LINC00632: variants seen among roughly 807,000 people sequenced by gnomAD.
LINC00632 encodes ALDOA related specific transcript.
At chrX:140,757,771 G>A (rs192203219) in intron 3 of LINC00632, among the ~76,000 whole-genome samples, 23 of 110,859 alleles carry the variant, frequency 2.1e-4, no homozygotes, top group Admixed American at 9.6e-5. Flanking sequence ...TTCACCATAT[G>A]GGCCAGGCTA....
intron 2 of LINC00632, among the ~76,000 whole-genome samples, chrX:140,723,827 G>GCA (rs1329087464): frequency 5.2e-4 from 1 of 1,910 alleles, no homozygotes; most frequent in Non-Finnish European, 9.6e-4. Context: ...CACATTCCAT[G>GCA]CACACACACA....
chrX:140,763,483 A>G (rs994245464), intron 3 of LINC00632, among the ~76,000 whole-genome samples: 8 of 110,991 alleles, frequency 7.2e-5, no homozygotes, highest in Non-Finnish European at 1.5e-4. Flanking sequence ...GTTAAATGTG[A>G]ATTTCAGTTA....
At chrX:140,718,263 T>C (rs1424600718) in intron 2 of LINC00632, among the ~76,000 whole-genome samples, 1 of 111,210 alleles carries the variant, frequency 9.0e-6, no homozygotes, top group Non-Finnish European at 1.9e-5. Flanking sequence ...CCACACGAAA[T>C]TGGACCATAA....
exon 5 of LINC00632, chrX:140,784,835 C>T: frequency 6.8e-6 from 1 of 146,971 alleles, no homozygotes; most frequent in South Asian, 2.2e-4. Flanking sequence ...TTTAATGGGA[C>T]ATTCCTCCTT....
intron 3 of LINC00632, among the ~76,000 whole-genome samples, chrX:140,765,613 G>A (rs2148398472): frequency 9.0e-6 from 1 of 111,664 alleles, no homozygotes; most frequent in South Asian, 3.8e-4. Flanking sequence ...TGGCAGTTCA[G>A]TCTGAAGTTG....
chrX:140,770,507 A>G, intron 3 of LINC00632, among the ~76,000 whole-genome samples: 1 of 112,257 alleles, frequency 8.9e-6, no homozygotes. Flanking sequence ...ACTGCACTCC[A>G]GCCTGGGCGA....
chrX:140,726,485 A>T (rs185455778), intron 2 of LINC00632, among the ~76,000 whole-genome samples: 1 of 111,920 alleles, frequency 8.9e-6, no homozygotes, highest in Non-Finnish European at 1.9e-5. Flanking sequence ...AACCCACCCC[A>T]GAACACATGC....
At chrX:140,788,612 T>C (rs1344932113) in exon 5 of LINC00632, among the ~76,000 whole-genome samples, 1 of 109,429 alleles carries the variant, frequency 9.1e-6, no homozygotes, top group South Asian at 3.8e-4. Flanking sequence ...CAATATTATA[T>C]TTATTGAAAA....
exon 5 of LINC00632, among the ~76,000 whole-genome samples, chrX:140,777,587 A>T (rs1418575349): frequency 8.9e-6 from 1 of 112,528 alleles, no homozygotes; most frequent in African/African-American, 3.2e-5. Context: ...ATATTTCAAA[A>T]TTTCCTTCAG....
At chrX:140,756,034 T>C in intron 3 of LINC00632, among the ~76,000 whole-genome samples, 1 of 111,579 alleles carries the variant, frequency 9.0e-6, no homozygotes, top group Middle Eastern at 4.6e-3. Context: ...AGTAGAATTC[T>C]CTGAACTACT....
At chrX:140,789,457 T>A (rs1385593252) in exon 5 of LINC00632, among the ~76,000 whole-genome samples, 1 of 111,327 alleles carries the variant, frequency 9.0e-6, no homozygotes, top group Admixed American at 9.6e-5. Flanking sequence ...TTCCACATGA[T>A]CTTTTGGTTG....
At chrX:140,717,593 C>T (rs183956384) in intron 2 of LINC00632, among the ~76,000 whole-genome samples, 174 of 111,156 alleles carry the variant, frequency 1.6e-3, no homozygotes, top group African/African-American at 2.6e-3. Flanking sequence ...TACCACACAA[C>T]GCCCAGACTG....
At chrX:140,770,184 C>T (rs1217386426) in intron 3 of LINC00632, among the ~76,000 whole-genome samples, 1 of 111,224 alleles carries the variant, frequency 9.0e-6, no homozygotes, top group Non-Finnish European at 1.9e-5. Context: ...CTGAGACCTA[C>T]TGGGCTGCAT....
intron 3 of LINC00632, among the ~76,000 whole-genome samples, chrX:140,752,949 A>C (rs2148393662): frequency 8.9e-6 from 1 of 111,944 alleles, no homozygotes; most frequent in African/African-American, 3.2e-5. Flanking sequence ...ACAACCAGAA[A>C]AAAATCCCAA....
chrX:140,720,560 C>T (rs965822200), intron 2 of LINC00632, among the ~76,000 whole-genome samples: 20 of 112,114 alleles, frequency 1.8e-4, no homozygotes, highest in Non-Finnish European at 5.6e-5. Flanking sequence ...TGCATAGAAT[C>T]GCTGGACAAT....
intron 2 of LINC00632, among the ~76,000 whole-genome samples, chrX:140,725,113 A>G (rs1338577003): frequency 2.1e-5 from 2 of 94,795 alleles, no homozygotes; most frequent in African/African-American, 7.6e-5. Context: ...CACACATTCC[A>G]TATACACACA....
rs138208873 is a variant in LINC00632 at position 140,772,448 on chromosome X, G to T, written n.562G>T. 2.2e-3 allele frequency: 656 copies of T among 293,108 alleles called. 7 individuals are homozygous for T. The highest frequency in any genetic ancestry group is 0.016 in the African/African-American group (585 of 36,024). The allele number at this position is 293,108 out of a possible 1,213,427, so 24.2% of individuals were successfully genotyped here. On this transcript the variant is annotated non_coding_transcript_exon_variant, in exon 4 of 5. Transcript: ENST00000648200. ...GTGTACTCTCATTGATATACAACTTGCAGTCATTGTAAATATGCGTGAGTT... is the reference window on the plus strand; with the variant it reads ...GTGTACTCTCATTGATATACAACTTTCAGTCATTGTAAATATGCGTGAGTT...
intron 2 of LINC00632, among the ~76,000 whole-genome samples, chrX:140,716,845 T>C (rs948629545): frequency 1.2e-4 from 13 of 109,682 alleles, no homozygotes; most frequent in African/African-American, 4.3e-4. Flanking sequence ...CTCATAGATA[T>C]GCCCTACATC....
chrX:140,741,254 G>A (rs1160130318), intron 3 of LINC00632, among the ~76,000 whole-genome samples: 1 of 112,164 alleles, frequency 8.9e-6, no homozygotes, highest in East Asian at 2.8e-4. Context: ...GAGCCTACGT[G>A]GCAAGCACCA....
Sources: gnomAD v4.1 joint callset for allele counts (sites outside exome capture counted in the v4.1 genomes callset) on GRCh38, gnomAD v4.1.1 for gene constraint, MANE v1.5 for transcripts, NCBI Gene and HGNC (gene_info 2026-07-23, HGNC 2026-07-21) for gene names.